CRLF3: variants seen among roughly 807,000 people sequenced by gnomAD.
CRLF3 encodes cytokine receptor-like factor 3.
A neutral mutation model predicts 55.0 loss-of-function variants in CRLF3; 33 were observed. That is an observed-to-expected ratio of 0.60 (90% confidence interval 0.46 to 0.80). The LOEUF is 0.80. Among genes scored for constraint, CRLF3 ranks in the 30% least tolerant of loss-of-function variants. The pLI is 0.00. For missense variants in CRLF3, 494 were observed against 538.4 expected (o/e 0.92, Z 0.82); for synonymous variants, 238 against 196.8 (o/e 1.21, Z -1.75).
chr17:30,806,228 C>CT (rs1212924959), intron 1 of CRLF3, among the ~76,000 whole-genome samples: 1 of 152,128 alleles, frequency 6.6e-6, no homozygotes, highest in Non-Finnish European at 1.5e-5. Flanking sequence ...AAGCCTCTTC[C>CT]TTTCAAAGTT....
intron 1 of CRLF3, among the ~76,000 whole-genome samples, chr17:30,817,883 C>T (rs1365311217): frequency 8.3e-6 from 1 of 120,104 alleles, no homozygotes. Flanking sequence ...TCCAGCATGG[C>T]GACAGAGTGA....
chr17:30,797,288 C>CA (rs767367554), intron 3 of CRLF3, 23 bp downstream of exon 3: 53 of 1,565,798 alleles, frequency 3.4e-5, no homozygotes, highest in Non-Finnish European at 4.4e-5. Context: ...AAAAGTAAGT[C>CA]AAAAAGGCAC....
chr17:30,792,169 ACTCTACTTAC>A (rs1174396549), intron 6 of CRLF3, among the ~76,000 whole-genome samples: 10 of 151,788 alleles, frequency 6.6e-5, no homozygotes, highest in East Asian at 1.9e-4. Flanking sequence ...TTTGAGAGAT[ACTCTACTTAC>A]CTCTACTTAC....
At chr17:30,818,567 C>G (rs908689008) in intron 1 of CRLF3, among the ~76,000 whole-genome samples, 5 of 150,588 alleles carry the variant, frequency 3.3e-5, no homozygotes, top group African/African-American at 1.2e-4. Flanking sequence ...AATTCTCTTG[C>G]CTCAGCCTCC....
chr17:30,812,043 G>C (rs2030234792), intron 1 of CRLF3, among the ~76,000 whole-genome samples: 1 of 151,798 alleles, frequency 6.6e-6, no homozygotes, highest in Admixed American at 6.6e-5. Flanking sequence ...GGGGGAGGCG[G>C]AGCTTGCAGC....
intron 6 of CRLF3, among the ~76,000 whole-genome samples, chr17:30,792,032 G>C (rs1209565733): frequency 1.3e-5 from 2 of 151,876 alleles, no homozygotes; most frequent in Non-Finnish European, 2.9e-5. Context: ...ATTTTTAGTA[G>C]AGATGGGGTT....
At chr17:30,822,537 G>A (rs1055443635) in intron 1 of CRLF3, among the ~76,000 whole-genome samples, 1 of 152,160 alleles carries the variant, frequency 6.6e-6, no homozygotes, top group African/African-American at 2.4e-5. Context: ...TCTGTCTGAA[G>A]CCCAAGACAA....
chr17:30,787,712 A>C (rs1393578302), intron 6 of CRLF3: 2 of 152,198 alleles, frequency 1.3e-5, no homozygotes, highest in Non-Finnish European at 2.9e-5. Flanking sequence ...AAGTATGGGG[A>C]GGAGGGGCCG....
intron 4 of CRLF3, among the ~76,000 whole-genome samples, chr17:30,795,578 A>G (rs1971901749): frequency 6.6e-6 from 1 of 151,686 alleles, no homozygotes; most frequent in Non-Finnish European, 1.5e-5. Flanking sequence ...CAAGGTGGGC[A>G]GATCACCTGA....
At chr17:30,790,543 C>T (rs1198356424) in intron 6 of CRLF3, 2 of 146,670 alleles carry the variant, frequency 1.4e-5, no homozygotes, top group South Asian at 2.2e-4. Flanking sequence ...TTGTCTCTTA[C>T]AAAGACTTGC....
chr17:30,788,596 C>CTTTTT (rs1429494338), intron 6 of CRLF3, among the ~76,000 whole-genome samples: 4 of 120,284 alleles, frequency 3.3e-5, no homozygotes, highest in African/African-American at 1.1e-4. Flanking sequence ...AAAGTAGTGC[C>CTTTTT]TTCTTTTTTT....
chr17:30,823,202 A>C (rs1905046590), intron 1 of CRLF3, among the ~76,000 whole-genome samples: 1 of 151,806 alleles, frequency 6.6e-6, no homozygotes, highest in Non-Finnish European at 1.5e-5. Context: ...TCTCTACTAA[A>C]AATACAAAAA....
At chr17:30,785,057 A>G (rs1241226658) in intron 7 of CRLF3, 1 of 149,108 alleles carries the variant, frequency 6.7e-6, no homozygotes, top group Non-Finnish European at 1.5e-5. Flanking sequence ...CAACACCACA[A>G]AATATTATTA....
chr17:30,808,275 ATATTTT>A (rs1904484116), intron 1 of CRLF3, among the ~76,000 whole-genome samples: 1 of 103,432 alleles, frequency 9.7e-6, no homozygotes, highest in Non-Finnish European at 1.9e-5. Context: ...CCTAGAACCT[ATATTTT>A]TTTTTTTTTT....
At chr17:30,806,076 T>C (rs1234104210) in intron 1 of CRLF3, among the ~76,000 whole-genome samples, 2 of 151,934 alleles carry the variant, frequency 1.3e-5, no homozygotes, top group Non-Finnish European at 1.5e-5. Flanking sequence ...AAAAAACTCA[T>C]GGATAAAATG....
intron 5 of CRLF3, among the ~76,000 whole-genome samples, chr17:30,793,188 T>TTC (rs1971850284): frequency 4.0e-5 from 6 of 151,896 alleles, no homozygotes; most frequent in Non-Finnish European, 5.9e-5. Context: ...TAAAAAGGAA[T>TTC]ATCAGTGCCC....
Position 30,824,592 on chromosome 17 carries a change from C to T in CRLF3, c.60G>A (p.Val20=). 1 of 1,605,312 alleles carries T rather than the reference C, an allele frequency of 6.2e-7. No homozygotes were observed. The highest frequency in any genetic ancestry group is 8.5e-7 in the Non-Finnish European group (1 of 1,179,130). ...CCCGCCGGTAGCTCTGCGCTGCCTC[C>T]ACGTTCTCGCGGGCCTCCTGCAACA... ...ELLLQEAREN[V]EAAQSYRREL... The change falls in exon 1 of 8, where the codon GTG becomes GTA. Residue 20 remains valine, a synonymous_variant. Coordinates refer to ENST00000324238, the MANE Select transcript of CRLF3 (RefSeq NM_015986.4).
intron 6 of CRLF3, 33 bp downstream of exon 6, chr17:30,792,407 T>C (rs1489287967): frequency 2.5e-6 from 4 of 1,586,834 alleles, no homozygotes; most frequent in Non-Finnish European, 3.5e-6. Context: ...CTCTGCTTCC[T>C]GAGGCAGGTG....
intron 1 of CRLF3, among the ~76,000 whole-genome samples, chr17:30,807,102 T>A (rs1181589860): frequency 6.6e-6 from 1 of 152,150 alleles, no homozygotes; most frequent in South Asian, 2.1e-4. Flanking sequence ...TATAATTCAT[T>A]TTCTCTCGCT....
Sources: gnomAD v4.1 joint callset for allele counts (sites outside exome capture counted in the v4.1 genomes callset) on GRCh38, gnomAD v4.1.1 for gene constraint, MANE v1.5 for transcripts, NCBI Gene and HGNC (gene_info 2026-07-23, HGNC 2026-07-21) for gene names.